DYNC2LI1: variants seen among roughly 807,000 people sequenced by gnomAD.
DYNC2LI1 encodes the protein dynein cytoplasmic 2 light intermediate chain 1.
DYNC2LI1 carries 45 observed loss-of-function variants against 51.9 expected under a neutral mutation model. The observed-to-expected ratio is 0.87, with a 90% CI of 0.68 to 1.11. The LOEUF (loss-of-function observed/expected upper bound fraction) is 1.11. DYNC2LI1 is among the 50% of genes most tolerant of loss of function. The pLI is 0.00. For synonymous variants in DYNC2LI1, 130 were observed against 137.8 expected (o/e 0.94, Z 0.40); for missense variants, 490 against 417.4 (o/e 1.17, Z -1.51).
At position 43,776,919 on chromosome 2, in the gene DYNC2LI1, AATT is replaced by A. The variant is rs1291445311; in HGVS notation, c.126+24_126+26del. The A allele has an allele frequency of 9.0e-6, 11 of 1,222,690 alleles. No individual in the cohort carries two copies. In the African/African-American group the frequency reaches 1.7e-4, roughly 19 times the overall value. 75.7% of individuals were successfully genotyped at this position (1,222,690 alleles called of 1,614,324 possible). A position where few individuals can be genotyped will look rare whatever the true frequency, so the allele number is the denominator to read the frequency against. ...AATGGGGTAATGCTTTCTTTTTTTC[AATT>A]ATTGTGATGATTTAACAACCATTGG... On this transcript the variant is annotated intron_variant, in intron 2 of 12. Transcript: ENST00000260605.
the DYNC2LI1 span, chr2:43,824,923 AG>A: frequency 6.2e-7 from 1 of 1,614,102 alleles, no homozygotes; most frequent in Non-Finnish European, 8.5e-7. Flanking sequence ...GTTCAGGACA[AG>A]GGTAACCGCA....
chr2:43,810,299 A>T (rs1666438031), downstream of DYNC2LI1: 1 of 930,926 alleles, frequency 1.1e-6, no homozygotes, highest in Admixed American at 6.2e-5. Flanking sequence ...GTGGTCTGGA[A>T]TGGGGCATTT....
chr2:43,803,194 T>C (rs1666131247), intron 10 of DYNC2LI1, among the ~76,000 whole-genome samples: 1 of 152,104 alleles, frequency 6.6e-6, no homozygotes, highest in South Asian at 2.1e-4. Context: ...AATGAAAACT[T>C]AACTCTCACA....
Position 43,800,846 on chromosome 2 carries a change from C to T in DYNC2LI1, c.660C>T (p.Thr220=). Residue 220 remains threonine, a synonymous_variant, in exon 9 of 13, where the codon ACC becomes ACT. Transcript: ENST00000260605. ...TTCTCCTGATTTGTTTAAAGTTTAC[C>T]AGTAAATCAGAAGCTCTATTACTAA... ...AHYYGASLMF[T]SKSEALLLKI... The T allele has an allele frequency of 6.3e-7, 1 of 1,580,498 alleles. No individual in the cohort carries two copies. The highest frequency in any genetic ancestry group is 8.6e-7 in the Non-Finnish European group (1 of 1,159,596).
chr2:43,827,829 C>CA, the DYNC2LI1 span, among the ~76,000 whole-genome samples: 4 of 151,948 alleles, frequency 2.6e-5, no homozygotes, highest in African/African-American at 9.7e-5. Context: ...ACAGCATTTC[C>CA]AAAAAAACTG....
Position 43,809,896 on chromosome 2 carries a change from T to A in DYNC2LI1, c.*129T>A, listed in dbSNP as rs1666419896. 1 of 1,431,676 alleles carries A rather than the reference T, an allele frequency of 7.0e-7. No homozygotes were observed. Among genetic ancestry groups the A allele is most frequent in the African/African-American group, 1.5e-5 (1 of 68,812 alleles). The allele number at this position is 1,431,676 out of a possible 1,614,324, so 88.7% of individuals were successfully genotyped here. On this transcript the variant is annotated 3_prime_UTR_variant, in exon 13 of 13. Coordinates refer to ENST00000260605, the MANE Select transcript of DYNC2LI1 (RefSeq NM_016008.4). ...TAATTTGTTAAAGGACAAGCTGGATTTCTTGGACTAGTGCATCTCCCTGTA... is the reference window on the plus strand; with the variant it reads ...TAATTTGTTAAAGGACAAGCTGGATATCTTGGACTAGTGCATCTCCCTGTA...
chr2:43,824,658 T>C, the DYNC2LI1 span: 21 of 983,172 alleles, frequency 2.1e-5, no homozygotes, highest in Non-Finnish European at 2.5e-5. Context: ...CTAATTATGC[T>C]CTGATAAAGT....
At chr2:43,821,868 C>T in the DYNC2LI1 span, among the ~76,000 whole-genome samples, 1 of 152,012 alleles carries the variant, frequency 6.6e-6, no homozygotes, top group Non-Finnish European at 1.5e-5. Flanking sequence ...TTTTCATTCT[C>T]TCTCTCTCCC....
intron 5 of DYNC2LI1, chr2:43,792,856 G>A: frequency 1.4e-6 from 2 of 1,454,576 alleles, no homozygotes; most frequent in Non-Finnish European, 1.8e-6. Context: ...GCTAAATAAT[G>A]TTCCATTGTG....
In DYNC2LI1 at chr2:43,783,368, T is replaced by C. The variant is rs2104670581; in HGVS notation, c.127-152T>C. On this transcript the variant is annotated intron_variant, in intron 2 of 12. Coordinates refer to ENST00000260605, the MANE Select transcript of DYNC2LI1 (RefSeq NM_016008.4). The stretch of plus-strand genomic sequence containing the variant: ...TTAACTTTTTCCACTTATCAAACTT[T>C]AGAACAATTCCGAAAGTTTCTAGTT... 9 of 635,856 alleles carry C rather than the reference T, an allele frequency of 1.4e-5. No individual in the cohort carries two copies. In the South Asian group the frequency reaches 1.6e-4, roughly 11 times the overall value. 39.4% of individuals were successfully genotyped at this position (635,856 alleles called of 1,614,324 possible).
chr2:43,783,327 G>A (rs534373903), intron 2 of DYNC2LI1, among the ~76,000 whole-genome samples, 193 bp from the exon 3 acceptor site: 3 of 152,162 alleles, frequency 2.0e-5, no homozygotes, highest in African/African-American at 7.2e-5. Context: ...GTTACACTGT[G>A]ATGGAAAGTT....
At chr2:43,827,946 C>A in the DYNC2LI1 span, 1 of 1,612,678 alleles carries the variant, frequency 6.2e-7, no homozygotes. Context: ...AGAAGATGCC[C>A]AGACAGCAGC....
At chr2:43,822,607 G>A in the DYNC2LI1 span, 15 of 985,142 alleles carry the variant, frequency 1.5e-5, no homozygotes, top group South Asian at 6.6e-4. Flanking sequence ...CAGGTCTCCT[G>A]CAACCCACAG....
chr2:43,794,379 A>G (rs1673933099), intron 5 of DYNC2LI1, 78 bp from the exon 6 acceptor site: 2 of 1,380,166 alleles, frequency 1.4e-6, no homozygotes, highest in South Asian at 2.9e-5. Context: ...AGTTATTCTT[A>G]GATAAATTTC....
the DYNC2LI1 span, chr2:43,822,569 G>C: frequency 1.0e-6 from 1 of 984,088 alleles, no homozygotes; most frequent in Non-Finnish European, 1.2e-6. Context: ...GTCATTCCCA[G>C]GCACATGTCA....
the DYNC2LI1 span, chr2:43,824,649 T>A: frequency 2.3e-5 from 23 of 985,070 alleles, no homozygotes; most frequent in Non-Finnish European, 2.8e-5. Context: ...GAAGCTCAGC[T>A]AATTATGCTC....
intron 1 of DYNC2LI1, 134 bp downstream of exon 1, chr2:43,774,280 T>C: frequency 1.7e-6 from 2 of 1,189,752 alleles, no homozygotes. Context: ...GTCGGGGACC[T>C]AGGAATCAGC....
intron 7 of DYNC2LI1, 102 bp from the exon 8 acceptor site, chr2:43,796,616 T>A: frequency 1.2e-6 from 1 of 844,218 alleles, no homozygotes; most frequent in Non-Finnish European, 1.8e-6. Context: ...TGAAAGTGAG[T>A]TTAAAAAAAT....
chr2:43,809,679 T>C, intron 12 of DYNC2LI1, 26 bp from the exon 13 acceptor site: 1 of 1,569,630 alleles, frequency 6.4e-7, no homozygotes, highest in Non-Finnish European at 8.7e-7. Context: ...TGATTTTTCT[T>C]AAAGTGATAC....
Sources: allele counts gnomAD v4.1 joint callset (sites outside exome capture counted in the v4.1 genomes callset), GRCh38; gene constraint gnomAD v4.1.1; transcripts MANE v1.5; gene names NCBI Gene and HGNC (gene_info 2026-07-23, HGNC 2026-07-21).